GANC: variants seen among roughly 807,000 people sequenced by gnomAD.
GANC encodes the protein neutral alpha-glucosidase C.
A neutral mutation model predicts 124.2 loss-of-function variants in GANC; 117 were observed. That is an observed-to-expected ratio of 0.94 (90% CI 0.81 to 1.10). The LOEUF is 1.10. Among genes scored for constraint, GANC ranks in the 50% least tolerant of loss-of-function variants. The pLI, the probability that GANC is intolerant of heterozygous loss-of-function variation, is 0.00. For synonymous variants in GANC, 377 were observed against 376.8 expected (o/e 1.00, Z -0.01); for missense variants, 1,140 against 1,095.0 (o/e 1.04, Z -0.58).
At chr15:42,286,025 T>G (rs2051784027) in intron 3 of GANC, among the ~76,000 whole-genome samples, 1 of 151,654 alleles carries the variant, frequency 6.6e-6, no homozygotes, top group Non-Finnish European at 1.5e-5. Context: ...TTTTTTTTTG[T>G]AGAGAAAGCT....
chr15:42,325,071 C>T (rs2052187588), intron 11 of GANC, among the ~76,000 whole-genome samples: 1 of 151,554 alleles, frequency 6.6e-6, no homozygotes, highest in African/African-American at 2.4e-5. Context: ...CGAGATCAGC[C>T]TGGCCAACAT....
At chr15:42,307,257 G>A (rs2052006347) in intron 7 of GANC, among the ~76,000 whole-genome samples, 1 of 151,922 alleles carries the variant, frequency 6.6e-6, no homozygotes, top group Non-Finnish European at 1.5e-5. Context: ...ATAATGATGA[G>A]GGCTGACAGA....
chr15:42,338,557 G>C (rs770965810), intron 16 of GANC, 67 bp downstream of exon 16: 1 of 1,133,988 alleles, frequency 8.8e-7, no homozygotes, highest in Non-Finnish European at 1.3e-6. Flanking sequence ...CATCAAAGCT[G>C]GTTACAAATC....
At chr15:42,329,928 G>A (rs2052229243) in intron 14 of GANC, among the ~76,000 whole-genome samples, 1 of 152,192 alleles carries the variant, frequency 6.6e-6, no homozygotes, top group Non-Finnish European at 1.5e-5. Flanking sequence ...CCTTCCTTAA[G>A]TACTTAGCTT....
At chr15:42,319,043 T>C (rs1336616941) in intron 10 of GANC, among the ~76,000 whole-genome samples, 2 of 152,182 alleles carry the variant, frequency 1.3e-5, no homozygotes, top group African/African-American at 4.8e-5. Context: ...CTACGGATTT[T>C]ATAATCTCCT....
chr15:42,314,311 T>G (rs536497297), intron 10 of GANC: 12 of 597,424 alleles, frequency 2.0e-5, no homozygotes, highest in Non-Finnish European at 3.3e-5. Context: ...CAAAGGGTTT[T>G]GCTGCTGTCT....
chr15:42,310,655 G>A (rs1349509878), intron 9 of GANC, 38 bp from the exon 10 acceptor site: 2 of 1,594,570 alleles, frequency 1.3e-6, no homozygotes, highest in Non-Finnish European at 1.7e-6. Flanking sequence ...GCAGGTTAGA[G>A]GGAAATTTCT....
intron 2 of GANC, among the ~76,000 whole-genome samples, chr15:42,277,627 G>A (rs2051685008): frequency 6.6e-6 from 1 of 151,364 alleles, no homozygotes; most frequent in Non-Finnish European, 1.5e-5. Flanking sequence ...TTGAGACGGA[G>A]TCTCCCTCTG....
chr15:42,315,080 A>G (rs1003143229), intron 10 of GANC, among the ~76,000 whole-genome samples: 1 of 152,048 alleles, frequency 6.6e-6, no homozygotes, highest in African/African-American at 2.4e-5. Context: ...CCTCTTTATC[A>G]CTCTGGATTG....
chr15:42,295,151 T>C (rs2051878471), intron 5 of GANC, among the ~76,000 whole-genome samples: 1 of 151,940 alleles, frequency 6.6e-6, no homozygotes, highest in Non-Finnish European at 1.5e-5. Flanking sequence ...TGTTTTTGTA[T>C]TTTTAGTAGA....
chr15:42,346,515 G>A (rs1185753920), intron 20 of GANC, among the ~76,000 whole-genome samples: 1 of 152,130 alleles, frequency 6.6e-6, no homozygotes, highest in Non-Finnish European at 1.5e-5. Context: ...TATGGTATAT[G>A]AATTCTATCA....
chr15:42,284,826 G>A (rs1301656317), intron 3 of GANC, among the ~76,000 whole-genome samples: 4 of 152,056 alleles, frequency 2.6e-5, no homozygotes, highest in African/African-American at 9.7e-5. Flanking sequence ...ACTTCTAAGG[G>A]AGCAAAACAC....
At chr15:42,299,801 A>G (rs534794386) in intron 6 of GANC, among the ~76,000 whole-genome samples, 1 of 152,300 alleles carries the variant, frequency 6.6e-6, no homozygotes, top group South Asian at 2.1e-4. Flanking sequence ...AAATAACCAA[A>G]TAACACCACA....
At chr15:42,331,305 CTT>C (rs1358031446) in intron 15 of GANC, among the ~76,000 whole-genome samples, 1 of 152,226 alleles carries the variant, frequency 6.6e-6, no homozygotes, top group Non-Finnish European at 1.5e-5. Flanking sequence ...GGTCCTGTCT[CTT>C]TGATTTATCA....
chr15:42,345,919 G>T, intron 20 of GANC, 87 bp downstream of exon 20: 1 of 902,128 alleles, frequency 1.1e-6, no homozygotes. Flanking sequence ...AGACTGGGTG[G>T]TTTTACCCAA....
chr15:42,291,617 C>T (rs1319113890), intron 4 of GANC, among the ~76,000 whole-genome samples: 2 of 152,050 alleles, frequency 1.3e-5, no homozygotes, highest in African/African-American at 4.8e-5. Flanking sequence ...GAAATGATGC[C>T]GTTAAAATGG....
At chr15:42,339,449 C>CT (rs1242555141) in intron 16 of GANC, among the ~76,000 whole-genome samples, 2 of 151,898 alleles carry the variant, frequency 1.3e-5, no homozygotes, top group African/African-American at 4.8e-5. Flanking sequence ...AGCCTCTGAC[C>CT]TTTCGACAAG....
At position 42,292,856 on chromosome 15, in the gene GANC, A is replaced by T. The variant is rs200907120; in HGVS notation, c.451A>T (p.Ile151Phe). The part of the protein sequence containing the change: ...VDLVSEEEVV[I>F]SINSLGQLYF... ...CTTGGTGTCTGAAGAAGAGGTTGTG[A>T]TTAGCATAAATTCCCTGGGCCAATT... Residue 151 changes from isoleucine (I) to phenylalanine (F), a missense_variant, in exon 5 of 24, where the codon ATT (isoleucine) becomes TTT (phenylalanine). Ile to Phe is a conservative substitution (Grantham distance 21, BLOSUM62 0). Coordinates refer to ENST00000318010, the MANE Select transcript of GANC (RefSeq NM_198141.3). 1.2e-5 allele frequency: 20 copies of T among 1,614,174 alleles called. No individual in the cohort carries two copies. In the Admixed American group the frequency reaches 2.7e-4, roughly 22 times the overall value.
At chr15:42,303,708 G>T (rs2051968877) in intron 6 of GANC, among the ~76,000 whole-genome samples, 1 of 146,240 alleles carries the variant, frequency 6.8e-6, no homozygotes, top group African/African-American at 2.5e-5. Context: ...TGAAATCTTA[G>T]TCTCTGATAA....
Sources: gnomAD v4.1 joint callset for allele counts (sites outside exome capture counted in the v4.1 genomes callset) on GRCh38, gnomAD v4.1.1 for gene constraint, MANE v1.5 for transcripts, NCBI Gene and HGNC (gene_info 2026-07-23, HGNC 2026-07-21) for gene names.